Variants in TUBA3C observed in about 807,000 individuals in gnomAD.
The protein encoded by TUBA3C is tubulin alpha-3C chain.
Under a neutral mutation model 33.4 loss-of-function variants are expected in TUBA3C, and 23 were observed. The ratio of observed to expected loss-of-function variants is 0.69; its 90% confidence interval spans 0.50 to 0.98. The LOEUF is 0.98. TUBA3C is among the 50% of genes least tolerant of loss of function. The pLI, the probability that TUBA3C is intolerant of heterozygous loss-of-function variation, is 0.00. For synonymous variants in TUBA3C, 269 were observed against 250.4 expected (o/e 1.07, Z -0.70); for missense variants, 402 against 616.0 (o/e 0.65, Z 3.68).
Position 19,174,176 on chromosome 13 carries a change from A to G in TUBA3C, c.1057-17T>C, listed in dbSNP as rs1038265598. 11 of 1,604,994 alleles carry G rather than the reference A, an allele frequency of 6.9e-6. No individual in the cohort carries two copies. The highest frequency in any genetic ancestry group is 3.3e-5 in the South Asian group (3 of 89,974). On this transcript the variant is annotated splice_polypyrimidine_tract_variant and intron_variant, in intron 4 of 4. Transcript: ENST00000400113. ...AATGCCCACCTGCCGGAGAAGAGGA[A>G]GAAACAGTCCATGAAGCTTATATCA...
At position 19,177,442 on chromosome 13, in the gene TUBA3C, C is replaced by T. The variant is rs1012097257; in HGVS notation, c.541G>A (p.Val181Met). The T allele has an allele frequency of 6.8e-6, 11 of 1,614,088 alleles. No individual in the cohort carries two copies. Among genetic ancestry groups the T allele is most frequent in the South Asian group, 2.2e-5 (2 of 91,060 alleles). The change falls in exon 4 of 5, where the codon GTG (valine) becomes ATG (methionine). Residue 181 changes from valine to methionine, a missense_variant. By Grantham distance (21) the Val-to-Met change is conservative. Transcript: ENST00000400113. This position sits in a 1 kb window ranked among gnomAD's most constrained non-coding sequence, Gnocchi z 5.0. Reference protein sequence around the residue: ...IYPAPQVSTAVVEPYNSILTT... With the variant: ...IYPAPQVSTAMVEPYNSILTT... ...AGGATGGAGTTGTAGGGCTCCACCA[C>T]GGCCGTGGAGACCTGGGGGGCTGGG... is the stretch of plus-strand genomic sequence containing the variant.
chr13:19,178,965 T>C (rs765198238), intron 2 of TUBA3C, among the ~76,000 whole-genome samples: 4 of 152,136 alleles, frequency 2.6e-5, no homozygotes, highest in Non-Finnish European at 4.4e-5. Context: ...TACTTAACCT[T>C]CTATGCCTAA....
intron 1 of TUBA3C, 141 bp downstream of exon 1, chr13:19,181,604 G>A (rs537321463): frequency 2.8e-4 from 339 of 1,231,550 alleles, no homozygotes; most frequent in Admixed American, 1.3e-3. Flanking sequence ...CTCGTGTCCC[G>A]CCCTGGGCCC....
chr13:19,180,676 T>C (rs927081739), intron 1 of TUBA3C, among the ~76,000 whole-genome samples: 2 of 152,006 alleles, frequency 1.3e-5, no homozygotes, highest in Non-Finnish European at 1.5e-5. Context: ...TTTGTATTTT[T>C]AGTAGAGATG....
At chr13:19,179,264 G>A in intron 2 of TUBA3C, 77 bp downstream of exon 2, 2 of 1,581,892 alleles carry the variant, frequency 1.3e-6, no homozygotes, top group Admixed American at 3.5e-5. Context: ...AGGATTCAAA[G>A]GAGCCCACAT....
At position 19,174,036 on chromosome 13, in the gene TUBA3C, T is replaced by A. The variant is rs1335438413; in HGVS notation, c.1180A>T (p.Lys394Ter). The change falls in exon 5 of 5, where the codon AAG becomes TAG. Residue 394 changes from lysine (K) to a stop codon, truncating the protein, a stop_gained. Transcript: ENST00000400113. LOFTEE classifies it high-confidence loss of function. ...IAEAWARLDHKFDLMYAKRAF... is the reference protein window; with the variant it reads ...IAEAWARLDH Reference sequence around the variant, plus strand: ...CGCTTGGCATACATGAGATCGAACTTATGGTCCAGGCGAGCCCAGGCCTCC... The same window carrying A: ...CGCTTGGCATACATGAGATCGAACTAATGGTCCAGGCGAGCCCAGGCCTCC... 6.2e-7 allele frequency: 1 copy of A among 1,613,756 alleles called. No homozygotes were observed. The highest frequency in any genetic ancestry group is 8.5e-7 in the Non-Finnish European group (1 of 1,179,978).
rs746274816 is a variant in TUBA3C at position 19,176,988 on chromosome 13, A to G, written c.995T>C (p.Ile332Thr). 3 of 1,614,040 alleles carry G rather than the reference A, an allele frequency of 1.9e-6. No individual in the cohort carries two copies. The highest frequency in any genetic ancestry group is 2.5e-6 in the Non-Finnish European group (3 of 1,180,000). Residue 332 changes from isoleucine (I) to threonine (T), a missense_variant, in exon 4 of 5, where the codon ATC becomes ACC. By Grantham distance (89) the Ile-to-Thr change is moderately conservative. Coordinates refer to ENST00000400113, the MANE Select transcript of TUBA3C (RefSeq NM_006001.3). ...DVVPKDVNAA[I>T]ATIKTKRTIQ... is the part of the protein sequence containing the mutation. The stretch of plus-strand genomic sequence containing the variant: ...GGTGCGCTTGGTCTTGATGGTGGCG[A>G]TGGCCGCGTTGACATCTTTCGGGAC...
chr13:19,178,339 G>A lies in TUBA3C; in HGVS notation c.282C>T (p.Thr94=), dbSNP rs144672090. ...AATTATTGGCCGCATCTTCCTTCCC[G>A]GTGATCAGCTGCTCTGGGTGGAAGA... The part of the protein sequence containing the change: ...RQLFHPEQLI[T]GKEDAANNYA... The change falls in exon 3 of 5, where the codon ACC becomes ACT. Residue 94 remains threonine (T), a synonymous_variant. Coordinates refer to ENST00000400113, the MANE Select transcript of TUBA3C (RefSeq NM_006001.3). The A allele has an allele frequency of 3.3e-5, 54 of 1,614,130 alleles. No individual in the cohort carries two copies. In the African/African-American group the frequency reaches 4.3e-4, roughly 13 times the overall value.
intron 4 of TUBA3C, among the ~76,000 whole-genome samples, chr13:19,174,435 T>C (rs1410602351): frequency 7.2e-5 from 3 of 41,656 alleles, no homozygotes; most frequent in Non-Finnish European, 1.4e-4. Context: ...TGCCCAGCAT[T>C]TTTTTTTTTT....
intron 1 of TUBA3C, among the ~76,000 whole-genome samples, chr13:19,181,363 A>C (rs17076884): frequency 6.6e-6 from 1 of 152,082 alleles, no homozygotes; most frequent in Non-Finnish European, 1.5e-5. Context: ...GCCTCCATCA[A>C]CAAGGCTCCT....
intron 2 of TUBA3C, among the ~76,000 whole-genome samples, chr13:19,178,859 A>G (rs900869841): frequency 6.6e-6 from 1 of 152,138 alleles, no homozygotes; most frequent in South Asian, 2.1e-4. Context: ...TGACACTGTC[A>G]TCTCATGTGG....
Position 19,181,048 on chromosome 13 carries a change from G to A in TUBA3C, c.3+697C>T, listed in dbSNP as rs139833591. ...AGAAATCTATTCTTTATGTGAATGC[G>A]TTGGTTGCTTTTTTTTTTTTTTGAG... is the stretch of plus-strand genomic sequence containing the variant. On this transcript the variant is annotated intron_variant, in intron 1 of 4. Transcript: ENST00000400113. Among the ~76,000 whole-genome samples, 7 of 149,910 alleles carry A rather than the reference G, an allele frequency of 4.7e-5. No individual in the cohort carries two copies. The East Asian group carries it at 9.8e-4, about 21-fold the overall frequency.
chr13:19,177,928 C>T lies in TUBA3C; in HGVS notation c.375+318G>A, dbSNP rs1869260418. Reference sequence around the variant, plus strand: ...GTGGCATGAACTCCGCTCAGTGCAACCTCTGCCTCCCGGGCTCAAGCCATT... The same window carrying T: ...GTGGCATGAACTCCGCTCAGTGCAATCTCTGCCTCCCGGGCTCAAGCCATT... On this transcript the variant is annotated intron_variant, in intron 3 of 4. Coordinates refer to ENST00000400113, the MANE Select transcript of TUBA3C (RefSeq NM_006001.3). This position sits in a 1 kb window ranked among gnomAD's most constrained non-coding sequence, Gnocchi z 5.0. Among the ~76,000 whole-genome samples, 1 of 150,824 alleles carries T rather than the reference C, an allele frequency of 6.6e-6. No individual in the cohort carries two copies. Among genetic ancestry groups the T allele is most frequent in the Admixed American group, 6.6e-5 (1 of 15,116 alleles).
chr13:19,179,424 G>C lies in TUBA3C; in HGVS notation c.143C>G (p.Ser48Cys). The change falls in exon 2 of 5, where the codon TCC becomes TGC. Residue 48 changes from serine to cysteine, a missense_variant. Physicochemically the swap from Ser to Cys is moderately radical, Grantham distance 112. Transcript: ENST00000400113. ...AGTCTCACTGAAGAACGTGTTGAAG[G>C]AGTCGTCCCCACCACCAATGGTTTT... ...SDKTIGGGDD[S>C]FNTFFSETGA... 1 of 1,614,018 alleles carries C rather than the reference G, an allele frequency of 6.2e-7. No homozygotes were observed. Among genetic ancestry groups the C allele is most frequent in the East Asian group, 2.2e-5 (1 of 44,858 alleles).
chr13:19,180,981 T>C (rs1230159857), intron 1 of TUBA3C, among the ~76,000 whole-genome samples: 1 of 149,416 alleles, frequency 6.7e-6, no homozygotes, highest in African/African-American at 2.5e-5. Context: ...AAAAAAAAGA[T>C]ACTTGACAAA....
At chr13:19,181,602 C>T (rs760336505) in intron 1 of TUBA3C, 143 bp downstream of exon 1, 9 of 1,217,294 alleles carry the variant, frequency 7.4e-6, no homozygotes, top group Non-Finnish European at 9.4e-6. Context: ...TCCTCGTGTC[C>T]CGCCCTGGGC....
Position 19,178,238 on chromosome 13 carries a change from C to T in TUBA3C, c.375+8G>A. 1.2e-6 allele frequency: 2 copies of T among 1,614,120 alleles called. No homozygotes were observed. The highest frequency in any genetic ancestry group is 1.6e-4 in the Middle Eastern group (1 of 6,062). On this transcript the variant is annotated splice_region_variant and intron_variant, in intron 3 of 4. Coordinates refer to ENST00000400113, the MANE Select transcript of TUBA3C (RefSeq NM_006001.3). ...GGACAATGGTCACATGAAGCCTTCTCTTCTTACCAGTTTGCGGATCCGGTC... is the reference window on the plus strand; with the variant it reads ...GGACAATGGTCACATGAAGCCTTCTTTTCTTACCAGTTTGCGGATCCGGTC...
intron 1 of TUBA3C, 98 bp from the exon 2 acceptor site, chr13:19,179,661 C>T: frequency 1.4e-6 from 2 of 1,407,070 alleles, no homozygotes; most frequent in Admixed American, 2.6e-5. Context: ...TATACTGCTT[C>T]AGTATCTGGT....
At chr13:19,181,107 C>T (rs567061340) in intron 1 of TUBA3C, among the ~76,000 whole-genome samples, 1 of 150,700 alleles carries the variant, frequency 6.6e-6, no homozygotes, top group Non-Finnish European at 1.5e-5. Flanking sequence ...AGCTGGAGTG[C>T]AGTGGCACCA....
Sources: gnomAD v4.1 joint callset for allele counts (sites outside exome capture counted in the v4.1 genomes callset) on GRCh38, gnomAD v4.1.1 for gene constraint, Gnocchi (gnomAD v3.1) non-coding constraint, MANE v1.5 for transcripts, NCBI Gene and HGNC (gene_info 2026-07-23, HGNC 2026-07-21) for gene names.